Variants in CIITA observed in about 807,000 individuals in gnomAD.
The protein encoded by CIITA is class II major histocompatibility complex transactivator.
CIITA carries 72 observed loss-of-function variants against 115.1 expected under a neutral mutation model. The ratio of observed to expected loss-of-function variants is 0.63; its 90% CI spans 0.52 to 0.76. The LOEUF is 0.76. Ranked by LOEUF, CIITA falls within the 30% of genes least tolerant of loss-of-function variation. The pLI is 0.00. For synonymous variants in CIITA, 763 were observed against 635.6 expected (o/e 1.20, Z -3.02); for missense variants, 1,617 against 1,463.8 (o/e 1.10, Z -1.71).
In CIITA at chr16:10,898,833, G is replaced by C. The variant is rs762923361; in HGVS notation, c.359-92G>C. ...CCTGACGACCATTCATTGATGGGCA[G>C]TCAGACCCCTCTCCCCAAGGTGGGT... On this transcript the variant is annotated intron_variant, in intron 4 of 19. Transcript: ENST00000324288. 27 of 1,594,500 alleles carry C rather than the reference G, an allele frequency of 1.7e-5. No homozygotes were observed. The Middle Eastern group carries it at 6.6e-4, about 39-fold the overall frequency.
At chr16:10,922,043 A>G in intron 16 of CIITA, 124 bp from the exon 17 acceptor site, 1 of 846,268 alleles carries the variant, frequency 1.2e-6, no homozygotes. Flanking sequence ...TGTGCAATAA[A>G]TATTGATTCC....
At chr16:10,915,076 A>G (rs1243100931) in intron 13 of CIITA, 1 of 455,042 alleles carries the variant, frequency 2.2e-6, no homozygotes, top group African/African-American at 2.0e-5. Flanking sequence ...TTTTTGAGAC[A>G]GGGTCTCGCT....
chr16:10,904,362 C>A (rs140724024), intron 9 of CIITA, among the ~76,000 whole-genome samples: 5 of 152,140 alleles, frequency 3.3e-5, no homozygotes, highest in African/African-American at 1.2e-4. Context: ...GCTGGAATTA[C>A]AGGTGTGCAC....
At chr16:10,908,254 GC>G in intron 11 of CIITA, 105 bp downstream of exon 11, 1 of 1,313,044 alleles carries the variant, frequency 7.6e-7, no homozygotes, top group East Asian at 2.5e-5. Context: ...ATGCAGAGCA[GC>G]CGGGTGGGGC....
chr16:10,878,251 G>C (rs537211848), intron 1 of CIITA, among the ~76,000 whole-genome samples: 1 of 152,304 alleles, frequency 6.6e-6, no homozygotes, highest in African/African-American at 2.4e-5. Context: ...CTGATGACAG[G>C]TCTGCCGGTG....
At chr16:10,869,369 G>A (rs900191664) in intron 1 of CIITA, among the ~76,000 whole-genome samples, 1 of 152,140 alleles carries the variant, frequency 6.6e-6, no homozygotes, top group African/African-American at 2.4e-5. Flanking sequence ...CCTCTGCCTG[G>A]AGCACTGTTC....
At chr16:10,867,322 T>C (rs1276568237) in intron 1 of CIITA, among the ~76,000 whole-genome samples, 1 of 68,856 alleles carries the variant, frequency 1.5e-5, no homozygotes, top group South Asian at 5.4e-4. Flanking sequence ...ACTGTGTGTG[T>C]TGGGGGGGGG....
rs1430777565 is a variant in CIITA at position 10,906,699 on chromosome 16, G to A, written c.1207G>A (p.Ala403Thr). ...AGGAGGCCTGGCTGAGGTGCTGTTG[G>A]CTGCCAAGGAGCACCGGCGGCCGCG... ...AQGGLAEVLL[A>T]AKEHRRPRET... The change falls in exon 11 of 20, where the codon GCT becomes ACT. Residue 403 changes from alanine (A) to threonine (T), a missense_variant. Transcript: ENST00000324288. The A allele has an allele frequency of 1.9e-6, 3 of 1,612,538 alleles. No individual in the cohort carries two copies. Among genetic ancestry groups the A allele is most frequent in the African/African-American group, 2.7e-5 (2 of 74,940 alleles).
rs1216443105 is a variant in CIITA, at chr16:10,879,035, G to A, written c.52+1653G>A. 1 of 216,342 alleles carries A rather than the reference G, an allele frequency of 4.6e-6. No individual in the cohort carries two copies. Among genetic ancestry groups the A allele is most frequent in the Non-Finnish European group, 9.3e-6 (1 of 107,466 alleles). The allele number at this position is 216,342 out of a possible 1,614,324, so 13.4% of individuals were successfully genotyped here. A position where few individuals can be genotyped will look rare whatever the true frequency, so the allele number is the denominator to read the frequency against. ...CCAGCAGCGCGCGCGGGAGCCCGGG[G>A]AACAGCGGTAGGTGACCAAAGTCTC... On this transcript the variant is annotated intron_variant, in intron 1 of 19. Coordinates refer to ENST00000324288, the MANE Select transcript of CIITA (RefSeq NM_000246.4). The surrounding 1 kb of genome is among the most constrained non-coding windows in gnomAD (Gnocchi z 4.3).
chr16:10,889,908 A>C (rs2037375363), intron 1 of CIITA, among the ~76,000 whole-genome samples: 1 of 152,154 alleles, frequency 6.6e-6, no homozygotes. Context: ...AAACCACATG[A>C]CCTTGGACAA....
At chr16:10,916,720 C>T (rs542160872) in intron 15 of CIITA, 21 of 520,404 alleles carry the variant, frequency 4.0e-5, no homozygotes, top group African/African-American at 3.6e-4. Context: ...ACTCATTCAC[C>T]TATTCAATCA....
intron 1 of CIITA, among the ~76,000 whole-genome samples, chr16:10,871,314 G>A (rs1007081858): frequency 5.3e-5 from 8 of 152,174 alleles, no homozygotes; most frequent in African/African-American, 1.9e-4. Flanking sequence ...AAAGATGACT[G>A]TAAGTGGGGG....
chr16:10,895,509 G>T, intron 2 of CIITA, 81 bp downstream of exon 2: 3 of 1,595,418 alleles, frequency 1.9e-6, no homozygotes, highest in East Asian at 2.3e-5. Flanking sequence ...GGGAAATTCT[G>T]GTCCCTGCCC....
chr16:10,886,796 G>A (rs1172643199), intron 1 of CIITA, among the ~76,000 whole-genome samples: 1 of 152,210 alleles, frequency 6.6e-6, no homozygotes, highest in Non-Finnish European at 1.5e-5. Context: ...GACTCAGAGA[G>A]GTTGAGTAAC....
chr16:10,920,601 G>GT lies in CIITA; in HGVS notation c.3150-1565dup, dbSNP rs2040216620. 1.3e-5 allele frequency among the ~76,000 whole-genome samples: 2 copies of GT among 152,188 alleles called. No homozygotes were observed. Among genetic ancestry groups the GT allele is most frequent in the Admixed American group, 1.3e-4 (2 of 15,280 alleles). On this transcript the variant is annotated intron_variant, in intron 16 of 19. Coordinates refer to ENST00000324288, the MANE Select transcript of CIITA (RefSeq NM_000246.4). This position sits in a 1 kb window ranked among gnomAD's most constrained non-coding sequence, Gnocchi z 4.5. ...CATGGAATCTAAGATGCCATCCATTGTAAGACCCCAATATGAGGCCAAAAT... is the reference window on the plus strand; with the variant it reads ...CATGGAATCTAAGATGCCATCCATTGTTAAGACCCCAATATGAGGCCAAAAT...
intron 3 of CIITA, among the ~76,000 whole-genome samples, chr16:10,897,596 G>T (rs188626215): frequency 6.6e-5 from 10 of 152,276 alleles, no homozygotes. Flanking sequence ...GCCCAGGCCT[G>T]GGCAAGTATT....
At chr16:10,909,462 C>G (rs1003799768) in intron 12 of CIITA, among the ~76,000 whole-genome samples, 11 of 152,240 alleles carry the variant, frequency 7.2e-5, no homozygotes, top group African/African-American at 2.7e-4. Flanking sequence ...TAGGAGTTAA[C>G]AAGGATGCCT....
At chr16:10,881,730 A>C (rs550667105) in intron 1 of CIITA, among the ~76,000 whole-genome samples, 1 of 152,212 alleles carries the variant, frequency 6.6e-6, no homozygotes, top group Non-Finnish European at 1.5e-5. Context: ...TTTCAGTGGC[A>C]TTAAATATTT....
At chr16:10,893,240 T>C (rs1037448219) in intron 1 of CIITA, among the ~76,000 whole-genome samples, 2 of 152,160 alleles carry the variant, frequency 1.3e-5, no homozygotes, top group Admixed American at 1.3e-4. Context: ...GAGAATAAAG[T>C]GCTGTTGTTC....
Sources: allele counts gnomAD v4.1 joint callset (sites outside exome capture counted in the v4.1 genomes callset), GRCh38; gene constraint gnomAD v4.1.1; non-coding constraint Gnocchi (gnomAD v3.1); transcripts MANE v1.5; gene names NCBI Gene and HGNC (gene_info 2026-07-23, HGNC 2026-07-21).